COL18A1: variants seen among roughly 807,000 people sequenced by gnomAD.
The protein encoded by COL18A1 is collagen alpha-1(XVIII) chain.
In COL18A1, 133 loss-of-function variants were observed where a neutral mutation model predicts 168.0. The observed-to-expected ratio is 0.79, with a 90% CI of 0.69 to 0.91. COL18A1 has a LOEUF of 0.91. Ranked by LOEUF, COL18A1 falls within the 40% of genes least tolerant of loss-of-function variation. The pLI is 0.00. For missense variants in COL18A1, 2,126 were observed against 1,925.4 expected, an observed-to-expected ratio of 1.10 and a Z score of -1.95; for synonymous variants, 949 against 809.0, an observed-to-expected ratio of 1.17 and a Z score of -2.94.
rs2037109210 is a variant in COL18A1, at chr21:45,505,062, G to A, written c.2869-72G>A. On this transcript the variant is annotated intron_variant, in intron 34 of 41. Coordinates refer to ENST00000651438, the MANE Select transcript of COL18A1 (RefSeq NM_001379500.1). ...CGCCAAGGGGGTCTTGGCAGCTGCA[G>A]CCCCACAAGCTTGCCCGCCCCCAGT... The A allele has an allele frequency of 5.1e-6, 8 of 1,563,446 alleles. No individual in the cohort carries two copies. The East Asian group carries it at 1.9e-4, about 37-fold the overall frequency.
At chr21:45,508,717 G>A (rs2037399328) in intron 38 of COL18A1, among the ~76,000 whole-genome samples, 1 of 152,142 alleles carries the variant, frequency 6.6e-6, no homozygotes, top group Admixed American at 6.5e-5. Context: ...TCACTCATTT[G>A]CTGATTCATT....
At chr21:45,462,613 T>C (rs1437762772) in intron 2 of COL18A1, among the ~76,000 whole-genome samples, 1 of 152,240 alleles carries the variant, frequency 6.6e-6, no homozygotes, top group Admixed American at 6.5e-5. Flanking sequence ...TTCAAGGTTT[T>C]TATATTGATA....
rs770865592 is a variant in COL18A1 at position 45,482,000 on chromosome 21, G to C, written c.1649G>C (p.Gly550Ala). Residue 550 changes from glycine to alanine, a missense_variant, in exon 14 of 42, where the codon GGA (glycine) becomes GCA (alanine). Physicochemically the swap from Gly to Ala is moderately conservative, Grantham distance 60. Coordinates refer to ENST00000651438, the MANE Select transcript of COL18A1 (RefSeq NM_001379500.1). ...PGPPGREGPP[G>A]RTGQKGSLGE... ...CCTCCGGGAAGAGAGGGGCCCCCAG[G>C]AAGGACTGGGCAGAAAGGCAGCCTG... is the stretch of plus-strand genomic sequence containing the variant. 4 of 1,613,724 alleles carry C rather than the reference G, an allele frequency of 2.5e-6. No individual in the cohort carries two copies. The Middle Eastern group carries it at 6.6e-4, about 266-fold the overall frequency.
chr21:45,475,504 G>A lies in COL18A1; in HGVS notation c.767G>A (p.Gly256Glu), dbSNP rs368233273. 8 of 1,606,924 alleles carry A rather than the reference G, an allele frequency of 5.0e-6. No homozygotes were observed. The Admixed American group carries it at 1.3e-4, about 27-fold the overall frequency. Residue 256 changes from glycine to glutamate, a missense_variant, in exon 5 of 42, where the codon GGG becomes GAG. By Grantham distance (98) the Gly-to-Glu change is moderately conservative. Transcript: ENST00000651438. The stretch of plus-strand genomic sequence containing the variant: ...TCCGGAGACTCTGGCAGCGGGCTCG[G>A]GGACGCCCGGGAGCTTCTCAGGGAG... ...GASGDSGSGL[G>E]DARELLREET...
rs1042969801 is a variant in COL18A1 at position 45,512,576 on chromosome 21, A to T, written c.*178A>T. ...AGGAAGCCAAAGAGTGTATTTTTTT[A>T]AAAGTTTAAAACAGAAGCCTGATGC... is the stretch of plus-strand genomic sequence containing the variant. On this transcript the variant is annotated 3_prime_UTR_variant, in exon 42 of 42. Transcript: ENST00000651438. 3.3e-5 allele frequency: 22 copies of T among 659,866 alleles called. No homozygotes were observed. Among genetic ancestry groups the T allele is most frequent in the East Asian group, 2.2e-4 (8 of 36,734 alleles). 40.9% of individuals were successfully genotyped at this position (659,866 alleles called of 1,614,324 possible).
At position 45,425,711 on chromosome 21, in the gene COL18A1, G is replaced by A. The variant is rs1218907271; in HGVS notation, c.106+20238G>A. On this transcript the variant is annotated intron_variant, in intron 2 of 41. Coordinates refer to ENST00000651438, the MANE Select transcript of COL18A1 (RefSeq NM_001379500.1). The surrounding 1 kb of genome is among the most constrained non-coding windows in gnomAD (Gnocchi z 4.1). ...GGTCTCTGGACTTGGGCAGCAGAAAGGAAACATCCCTGGGGGCCTGTGGTG... is the reference window on the plus strand; with the variant it reads ...GGTCTCTGGACTTGGGCAGCAGAAAAGAAACATCCCTGGGGGCCTGTGGTG... Among the ~76,000 whole-genome samples, 1 of 152,146 alleles carries A rather than the reference G, an allele frequency of 6.6e-6. No individual in the cohort carries two copies. The highest frequency in any genetic ancestry group is 6.5e-5 in the Admixed American group (1 of 15,282).
At position 45,423,826 on chromosome 21, in the gene COL18A1, G is replaced by A. The variant is rs935836460; in HGVS notation, c.106+18353G>A. On this transcript the variant is annotated intron_variant, in intron 2 of 41. Coordinates refer to ENST00000651438, the MANE Select transcript of COL18A1 (RefSeq NM_001379500.1). The surrounding 1 kb of genome is among the most constrained non-coding windows in gnomAD (Gnocchi z 4.0). The stretch of plus-strand genomic sequence containing the variant: ...GTGGTTCTGAGTTGGAGCCCTTACT[G>A]GCCAGTTTAAGACCCTCTTGGAGCA... 1.3e-5 allele frequency: 2 copies of A among 152,322 alleles called. No homozygotes were observed. The highest frequency in any genetic ancestry group is 2.9e-5 in the Non-Finnish European group (2 of 68,118). The allele number at this position is 152,322 out of a possible 1,614,324, so 9.4% of individuals were successfully genotyped here.
chr21:45,509,708 A>G (rs1602649083), intron 39 of COL18A1, 107 bp downstream of exon 39: 1 of 764,986 alleles, frequency 1.3e-6, no homozygotes, highest in Non-Finnish European at 2.2e-6. Context: ...GGCTTCGGCC[A>G]TGGGTGGGGG....
intron 2 of COL18A1, among the ~76,000 whole-genome samples, chr21:45,445,138 C>T (rs543889488): frequency 1.3e-5 from 2 of 152,348 alleles, no homozygotes; most frequent in African/African-American, 4.8e-5. Flanking sequence ...CCCTCCAGTC[C>T]TGGCCACCGG....
chr21:45,479,253 TTA>T (rs2035796859), intron 9 of COL18A1, among the ~76,000 whole-genome samples: 1 of 151,420 alleles, frequency 6.6e-6, no homozygotes. Context: ...ACACCACACA[TTA>T]CACACCACAC....
intron 29 of COL18A1, chr21:45,496,086 C>CTCTATGCCCTCCATGCCT (rs2036532121): frequency 7.8e-6 from 2 of 256,860 alleles, no homozygotes; most frequent in African/African-American, 5.4e-5. Flanking sequence ...CCTCCATGCC[C>CTCTATGCCCTCCATGCCT]TCTATGCCCT....
chr21:45,494,504 C>T (rs1396868175), intron 26 of COL18A1, 41 bp from the exon 27 acceptor site: 4 of 1,613,018 alleles, frequency 2.5e-6, no homozygotes, highest in Non-Finnish European at 3.4e-6. Context: ...AGGTGGGGCA[C>T]AAGCTGCCAC....
intron 2 of COL18A1, chr21:45,422,440 A>G (rs1400435381): frequency 3.8e-6 from 2 of 530,816 alleles, no homozygotes; most frequent in Non-Finnish European, 7.7e-6. Flanking sequence ...AAGGGATGGG[A>G]GGCTCCAGGA....
chr21:45,440,467 C>T (rs1004939677), intron 2 of COL18A1, among the ~76,000 whole-genome samples: 2 of 152,188 alleles, frequency 1.3e-5, no homozygotes, highest in African/African-American at 2.4e-5. Context: ...CCATGTTCCC[C>T]GCAAGCAGTC....
chr21:45,497,182 C>A, intron 31 of COL18A1, 90 bp downstream of exon 31: 2 of 882,952 alleles, frequency 2.3e-6, no homozygotes, highest in East Asian at 2.4e-5. Context: ...AGCAGTGAGA[C>A]TCCCCCAGTG....
chr21:45,441,841 C>T (rs545236198), intron 2 of COL18A1, among the ~76,000 whole-genome samples: 80 of 152,344 alleles, frequency 5.3e-4, no homozygotes, highest in African/African-American at 1.8e-3. Context: ...CTGCTGGGAA[C>T]ACGGCTCTCT....
chr21:45,441,623 G>A (rs2034372416), intron 2 of COL18A1, among the ~76,000 whole-genome samples: 1 of 152,200 alleles, frequency 6.6e-6, no homozygotes, highest in African/African-American at 2.4e-5. Context: ...TGCCATCTCT[G>A]CTTCACCAGC....
At chr21:45,448,915 A>G (rs4819115) in intron 2 of COL18A1, among the ~76,000 whole-genome samples, 32,643 of 151,764 alleles carry the variant, frequency 0.22, 4,770 homozygotes, top group African/African-American at 0.41. Context: ...CTGGGTTTCT[A>G]TGGGGGTGTC....
intron 34 of COL18A1, 143 bp from the exon 35 acceptor site, chr21:45,504,991 G>A (rs1030399083): frequency 2.9e-6 from 3 of 1,048,606 alleles, no homozygotes; most frequent in East Asian, 2.6e-5. Context: ...GGTTTCTCAG[G>A]CTATGGCGTG....
Sources: allele counts gnomAD v4.1 joint callset (sites outside exome capture counted in the v4.1 genomes callset), GRCh38; gene constraint gnomAD v4.1.1; non-coding constraint Gnocchi (gnomAD v3.1); transcripts MANE v1.5; gene names NCBI Gene and HGNC (gene_info 2026-07-23, HGNC 2026-07-21).